VPS13B: variants seen among roughly 807,000 people sequenced by gnomAD.
The protein encoded by VPS13B is vacuolar protein sorting 13 homolog B, also known as intermembrane lipid transfer protein VPS13B.
A neutral mutation model predicts 426.4 loss-of-function variants in VPS13B; 285 were observed. The observed-to-expected ratio is 0.67, with a 90% CI of 0.61 to 0.74. The LOEUF is 0.74. VPS13B is among the 30% of genes least tolerant of loss of function. The probability of loss-of-function intolerance (pLI) is 0.00; values close to 1 mark genes in which losing one functional copy is unlikely to be tolerated. For missense variants in VPS13B, 4,537 were observed against 4,782.6 expected, an observed-to-expected ratio of 0.95 and a Z score of 1.51; for synonymous variants, 1,676 against 1,676.4, an observed-to-expected ratio of 1.00 and a Z score of 0.01.
At chr8:99,396,130 G>A (rs953113617) in intron 21 of VPS13B, among the ~76,000 whole-genome samples, 1 of 152,112 alleles carries the variant, frequency 6.6e-6, no homozygotes, top group African/African-American at 2.4e-5. Context: ...TGTGAGGGTA[G>A]GGCTCACTGA....
chr8:99,875,072 T>C (rs987647491), intron 61 of VPS13B: 23 of 337,200 alleles, frequency 6.8e-5, no homozygotes, highest in Non-Finnish European at 1.1e-4. Context: ...GAAAGATTTT[T>C]CTCCTTTTTT....
chr8:99,814,506 AAAG>A (rs1481694785), intron 44 of VPS13B, among the ~76,000 whole-genome samples: 3 of 152,212 alleles, frequency 2.0e-5, no homozygotes, highest in African/African-American at 7.2e-5. Flanking sequence ...CTGTGACACA[AAAG>A]AAGGGCTTCT....
intron 43 of VPS13B, among the ~76,000 whole-genome samples, chr8:99,791,408 T>C (rs1307625849): frequency 2.0e-5 from 3 of 152,140 alleles, no homozygotes; most frequent in Non-Finnish European, 4.4e-5. Context: ...AGTTGTGTTC[T>C]CAAGAGCCTG....
intron 3 of VPS13B, among the ~76,000 whole-genome samples, chr8:99,076,317 G>A (rs900299194): frequency 2.0e-5 from 3 of 152,126 alleles, no homozygotes; most frequent in Admixed American, 1.3e-4. Flanking sequence ...CTGATGAGTC[G>A]AATGTGTATT....
chr8:99,197,243 T>A (rs959915889), intron 17 of VPS13B, among the ~76,000 whole-genome samples: 3 of 152,192 alleles, frequency 2.0e-5, no homozygotes, highest in Non-Finnish European at 4.4e-5. Context: ...TGAGAATTTT[T>A]ACATCTATGT....
intron 19 of VPS13B, among the ~76,000 whole-genome samples, chr8:99,377,858 G>C (rs1813573296): frequency 6.6e-6 from 1 of 152,144 alleles, no homozygotes. Context: ...CATGGTTCAA[G>C]GGCAACAAAA....
chr8:99,479,758 G>A (rs765807955), intron 24 of VPS13B, among the ~76,000 whole-genome samples: 4 of 152,120 alleles, frequency 2.6e-5, no homozygotes, highest in Non-Finnish European at 5.9e-5. Flanking sequence ...TGGCTAAACA[G>A]CATCCTGTCA....
At chr8:99,066,594 A>C (rs1844529270) in intron 3 of VPS13B, among the ~76,000 whole-genome samples, 1 of 152,264 alleles carries the variant, frequency 6.6e-6, no homozygotes, top group Admixed American at 6.5e-5. Flanking sequence ...AGGCATGGGC[A>C]AGGACTTCAT....
At chr8:99,854,836 G>A (rs1047491748) in intron 56 of VPS13B, among the ~76,000 whole-genome samples, 6 of 150,904 alleles carry the variant, frequency 4.0e-5, no homozygotes, top group Non-Finnish European at 8.8e-5. Context: ...TGCACTGCCT[G>A]TCTATATAGC....
chr8:99,601,024 AGTT>A (rs1827271074), intron 33 of VPS13B, among the ~76,000 whole-genome samples: 1 of 152,010 alleles, frequency 6.6e-6, no homozygotes, highest in Non-Finnish European at 1.5e-5. Flanking sequence ...TTATACTTTA[AGTT>A]CTGGGATACA....
chr8:99,685,593 C>G (rs1220736800), intron 35 of VPS13B, among the ~76,000 whole-genome samples: 1 of 152,168 alleles, frequency 6.6e-6, no homozygotes, highest in Non-Finnish European at 1.5e-5. Context: ...TTCAAACTCA[C>G]TAATTCTTTC....
intron 22 of VPS13B, among the ~76,000 whole-genome samples, chr8:99,437,173 G>A (rs1022615174): frequency 5.9e-5 from 9 of 152,098 alleles, no homozygotes; most frequent in African/African-American, 2.2e-4. Context: ...GTTTGTGCAG[G>A]TAATTATGTT....
intron 14 of VPS13B, among the ~76,000 whole-genome samples, chr8:99,154,435 T>C (rs1423467737): frequency 3.3e-5 from 5 of 152,310 alleles, no homozygotes; most frequent in African/African-American, 1.2e-4. Flanking sequence ...AGAGATTCTT[T>C]TGTTAGCCAT....
At chr8:99,749,219 A>G (rs905801170) in intron 39 of VPS13B, among the ~76,000 whole-genome samples, 1 of 152,068 alleles carries the variant, frequency 6.6e-6, no homozygotes, top group African/African-American at 2.4e-5. Context: ...TCAAGCATTT[A>G]TCATTTCTTT....
intron 3 of VPS13B, among the ~76,000 whole-genome samples, chr8:99,039,610 T>A (rs1023754585): frequency 4.0e-5 from 6 of 151,820 alleles, no homozygotes; most frequent in African/African-American, 1.5e-4. Context: ...TTGGCTATAA[T>A]CAAGTAAATT....
chr8:99,511,260 C>T lies in VPS13B; in HGVS notation c.4381C>T (p.Pro1461Ser). The T allele has an allele frequency of 1.2e-6, 2 of 1,614,096 alleles. No individual in the cohort carries two copies. Among genetic ancestry groups the T allele is most frequent in the South Asian group, 1.1e-5 (1 of 91,084 alleles). ...ATCTGAAGGCCTAATGGATGGTTCTCCTCATTTTCTTCATGAAATTCTTCT... is the reference window on the plus strand; with the variant it reads ...ATCTGAAGGCCTAATGGATGGTTCTTCTCATTTTCTTCATGAAATTCTTCT... ...KLSEGLMDGS[P>S]HFLHEILLSA... is the part of the protein sequence containing the mutation. Residue 1461 changes from proline (P) to serine (S), a missense_variant, in exon 29 of 62, where the codon CCT becomes TCT. By Grantham distance (74) the Pro-to-Ser change is moderately conservative (BLOSUM62 -1). Transcript: ENST00000357162.
chr8:99,513,130 TA>T (rs1821883577), intron 29 of VPS13B, among the ~76,000 whole-genome samples: 1 of 151,484 alleles, frequency 6.6e-6, no homozygotes, highest in Admixed American at 6.6e-5. Context: ...CTATATAATA[TA>T]AAAAATTCTA....
chr8:99,533,428 T>G (rs1257220078), intron 30 of VPS13B, among the ~76,000 whole-genome samples: 1 of 152,220 alleles, frequency 6.6e-6, no homozygotes. Context: ...TTCATTTCTC[T>G]TGTTATGTAT....
intron 21 of VPS13B, among the ~76,000 whole-genome samples, chr8:99,422,132 T>C (rs1204693476): frequency 6.6e-6 from 1 of 152,124 alleles, no homozygotes; most frequent in Non-Finnish European, 1.5e-5. Flanking sequence ...CTGCAGAAAA[T>C]ATTGTCTTTT....
Sources: gnomAD v4.1 joint callset for allele counts (sites outside exome capture counted in the v4.1 genomes callset) on GRCh38, gnomAD v4.1.1 for gene constraint, MANE v1.5 for transcripts, NCBI Gene and HGNC (gene_info 2026-07-23, HGNC 2026-07-21) for gene names.